Variants in ASCC1 observed in about 807,000 individuals in gnomAD.
ASCC1 encodes activating signal cointegrator 1 complex subunit 1.
A neutral mutation model predicts 46.6 loss-of-function variants in ASCC1; 35 were observed. The ratio of observed to expected loss-of-function variants is 0.75; its 90% CI spans 0.57 to 0.99. ASCC1 has a LOEUF of 0.99. ASCC1 is among the 50% of genes least tolerant of loss of function. The probability of loss-of-function intolerance (pLI) is 0.00; values close to 1 mark genes in which losing one functional copy is unlikely to be tolerated. For missense variants in ASCC1, 376 were observed against 428.7 expected (o/e 0.88, Z 1.09); for synonymous variants, 143 against 146.6 (o/e 0.98, Z 0.18).
intron 7 of ASCC1, among the ~76,000 whole-genome samples, chr10:72,141,770 A>G (rs1033067590): frequency 1.5e-4 from 23 of 152,222 alleles, no homozygotes; most frequent in African/African-American, 4.8e-4. Flanking sequence ...ATCTGATACA[A>G]TGCCTGGTAC....
intron 5 of ASCC1, among the ~76,000 whole-genome samples, chr10:72,192,994 T>C (rs893310008): frequency 6.6e-6 from 1 of 152,170 alleles, no homozygotes; most frequent in African/African-American, 2.4e-5. Flanking sequence ...CAAATGCTAG[T>C]GAGGATGGAG....
chr10:72,199,785 G>A (rs747411600), intron 4 of ASCC1, among the ~76,000 whole-genome samples: 4 of 152,114 alleles, frequency 2.6e-5, no homozygotes, highest in Admixed American at 6.6e-5. Flanking sequence ...CCAGGAGGGA[G>A]TGCACTGGTG....
chr10:72,136,007 TTTGTTGTTG>T lies in ASCC1; in HGVS notation c.747-2835_747-2827del, dbSNP rs908337578. On this transcript the variant is annotated intron_variant, in intron 7 of 9. Transcript: ENST00000672957. ...AGCCATAGGAAACCGAGGGTTGTTT[TTTGTTGTTG>T]TTGTTGTTGTTTTTCTTTTTTTAAG... 3.9e-5 allele frequency among the ~76,000 whole-genome samples: 6 copies of T among 152,158 alleles called. No homozygotes were observed. In the South Asian group the frequency reaches 1.2e-3, roughly 32 times the overall value.
chr10:72,207,015 C>T (rs1294911588), intron 3 of ASCC1, among the ~76,000 whole-genome samples: 1 of 152,160 alleles, frequency 6.6e-6, no homozygotes, highest in African/African-American at 2.4e-5. Flanking sequence ...TCAAAGTCAA[C>T]AGGTGTGCGG....
rs1484270197 is a variant in ASCC1, at chr10:72,097,335, C to T, written c.1073G>A (p.Ter358=). ...YASCGQIDFS[*] ...TTCTAGTGCTTTCCAAGATCCACCT[C>T]AGGAGAAGTCAATTTGTCCACAGGA... Residue 358 remains the stop codon, a stop_retained_variant, in exon 10 of 10, where the codon TGA becomes TAA. Coordinates refer to ENST00000672957, the MANE Select transcript of ASCC1 (RefSeq NM_001198800.3). The T allele has an allele frequency of 1.3e-6, 2 of 1,597,728 alleles. No individual in the cohort carries two copies. Among genetic ancestry groups the T allele is most frequent in the East Asian group, 2.2e-5 (1 of 44,792 alleles).
intron 9 of ASCC1, among the ~76,000 whole-genome samples, chr10:72,122,317 G>A (rs1413907500): frequency 6.6e-6 from 1 of 151,884 alleles, no homozygotes; most frequent in Non-Finnish European, 1.5e-5. Flanking sequence ...TACGTGGGAG[G>A]CTGAGGCATG....
chr10:72,123,439 G>A (rs1387762194), intron 9 of ASCC1, among the ~76,000 whole-genome samples: 1 of 152,058 alleles, frequency 6.6e-6, no homozygotes, highest in Non-Finnish European at 1.5e-5. Flanking sequence ...GCGGACCATG[G>A]GTGATGATGT....
chr10:72,152,662 T>A (rs1848502180), intron 7 of ASCC1, among the ~76,000 whole-genome samples: 1 of 152,166 alleles, frequency 6.6e-6, no homozygotes, highest in South Asian at 2.1e-4. Context: ...ACCCCCATCC[T>A]AAAAGTCAGA....
At chr10:72,162,999 C>T (rs1849892667) in intron 5 of ASCC1, among the ~76,000 whole-genome samples, 1 of 151,408 alleles carries the variant, frequency 6.6e-6, no homozygotes, top group Admixed American at 6.6e-5. Context: ...ATACAAATGG[C>T]TAACAAGCAG....
chr10:72,180,368 G>A (rs1006742312), intron 5 of ASCC1, among the ~76,000 whole-genome samples: 1 of 152,118 alleles, frequency 6.6e-6, no homozygotes, highest in Non-Finnish European at 1.5e-5. Context: ...GATCACACCT[G>A]TAATCCCAGC....
intron 2 of ASCC1, among the ~76,000 whole-genome samples, chr10:72,211,443 G>A (rs1858094192): frequency 6.6e-6 from 1 of 151,964 alleles, no homozygotes; most frequent in Non-Finnish European, 1.5e-5. Context: ...ACAAAGATTA[G>A]CTGGGCATGA....
chr10:72,125,247 A>AT (rs200123543), intron 9 of ASCC1, among the ~76,000 whole-genome samples: 4,421 of 150,470 alleles, frequency 0.029, 201 homozygotes, highest in African/African-American at 0.1. Context: ...GATGAAGTTG[A>AT]TTTTTTTTTT....
At chr10:72,131,439 T>TACACATACACAC (rs1227802075) in intron 8 of ASCC1, among the ~76,000 whole-genome samples, 9 of 139,420 alleles carry the variant, frequency 6.5e-5, no homozygotes, top group African/African-American at 2.2e-4. Context: ...AAAATAAAAA[T>TACACATACACAC]ACACACACAC....
At position 72,196,533 on chromosome 10, in the gene ASCC1, C is replaced by T. The variant is rs555575962; in HGVS notation, c.489+278G>A. 2.0e-5 allele frequency among the ~76,000 whole-genome samples: 3 copies of T among 152,208 alleles called. No individual in the cohort carries two copies. The South Asian group carries it at 6.2e-4, about 32-fold the overall frequency. The stretch of plus-strand genomic sequence containing the variant: ...CTGACCTCAAGTGATCTGCCTACCT[C>T]GGCCTCCCAATGTGCTGGGATTACA... On this transcript the variant is annotated intron_variant, in intron 5 of 9. Coordinates refer to ENST00000672957, the MANE Select transcript of ASCC1 (RefSeq NM_001198800.3).
chr10:72,112,585 A>G (rs1843034173), intron 9 of ASCC1, among the ~76,000 whole-genome samples: 1 of 152,100 alleles, frequency 6.6e-6, no homozygotes, highest in African/African-American at 2.4e-5. Flanking sequence ...TTTTACCACA[A>G]TTTAAAAAAA....
chr10:72,210,162 T>C lies in ASCC1; in HGVS notation c.212+570A>G, dbSNP rs199594931. Reference sequence around the variant, plus strand: ...TGAGCCAATGAAACCTCTTTTCTTTTTTTTTTTTTTTTTTAAGACTAAGTT... The same window carrying C: ...TGAGCCAATGAAACCTCTTTTCTTTCTTTTTTTTTTTTTTAAGACTAAGTT... On this transcript the variant is annotated intron_variant, in intron 3 of 9. Coordinates refer to ENST00000672957, the MANE Select transcript of ASCC1 (RefSeq NM_001198800.3). Among the ~76,000 whole-genome samples the C allele has an allele frequency of 1.8e-4, 27 of 151,110 alleles. No homozygotes were observed. The East Asian group carries it at 4.1e-3, about 23-fold the overall frequency.
intron 7 of ASCC1, among the ~76,000 whole-genome samples, chr10:72,140,436 G>T (rs1232909093): frequency 1.3e-5 from 2 of 152,146 alleles, no homozygotes; most frequent in Non-Finnish European, 2.9e-5. Flanking sequence ...TTCAAAAGAT[G>T]ATGAGAAATG....
chr10:72,160,639 T>C (rs1288411042), intron 6 of ASCC1, among the ~76,000 whole-genome samples: 1 of 151,110 alleles, frequency 6.6e-6, no homozygotes, highest in East Asian at 1.9e-4. Flanking sequence ...AGCAGGAGAG[T>C]TGCTTGAGAC....
intron 9 of ASCC1, among the ~76,000 whole-genome samples, chr10:72,123,534 G>A (rs1398070571): frequency 1.3e-5 from 2 of 152,026 alleles, no homozygotes; most frequent in Admixed American, 6.6e-5. Context: ...TGCAGGGATG[G>A]GGGCATTTGG....
Sources: allele counts gnomAD v4.1 joint callset (sites outside exome capture counted in the v4.1 genomes callset), GRCh38; gene constraint gnomAD v4.1.1; transcripts MANE v1.5; gene names NCBI Gene and HGNC (gene_info 2026-07-23, HGNC 2026-07-21).